The following NYAP2 variants were observed in gnomAD, a reference collection of about 807,000 sequenced individuals.
NYAP2 encodes the protein neuronal tyrosine-phosphorylated phosphoinositide-3-kinase adapter 2.
A neutral mutation model predicts 50.4 loss-of-function variants in NYAP2; 23 were observed. The observed-to-expected ratio is 0.46, with a 90% CI of 0.33 to 0.65. NYAP2 has a LOEUF of 0.65. NYAP2 is among the 30% of genes least tolerant of loss of function. The pLI is 0.02. For synonymous variants in NYAP2, 394 were observed against 365.2 expected, an observed-to-expected ratio of 1.08 and a Z score of -0.90; for missense variants, 885 against 861.0, an observed-to-expected ratio of 1.03 and a Z score of -0.35.
the NYAP2 span, among the ~76,000 whole-genome samples, chr2:225,697,353 G>T: frequency 3.3e-5 from 5 of 151,942 alleles, no homozygotes; most frequent in African/African-American, 1.2e-4. Context: ...ATCCTTGTCA[G>T]TCTGACTACA....
chr2:225,583,960 C>T lies in NYAP2; in HGVS notation c.1618+925C>T, dbSNP rs183484096. On this transcript the variant is annotated intron_variant, in intron 5 of 6. Coordinates refer to ENST00000636099, the Ensembl canonical transcript of NYAP2. ...GGGAGGCTGAGGCAGGAGAATGGCG[C>T]GAACCCGGGAGGCAGAGCTTGTAGT... Among the ~76,000 whole-genome samples, 76 of 152,036 alleles carry T rather than the reference C, an allele frequency of 5.0e-4. No individual in the cohort carries two copies. In the East Asian group the frequency reaches 8.9e-3, roughly 18 times the overall value.
At chr2:225,581,798 G>A in intron 4 of NYAP2, 143 bp from the exon 5 acceptor site, 2 of 772,264 alleles carry the variant, frequency 2.6e-6, no homozygotes, top group Non-Finnish European at 4.2e-6. Context: ...CTCTTTGGTT[G>A]ATTTTTACTC....
At position 225,581,932 on chromosome 2, in the gene NYAP2, T is replaced by G; in HGVS notation, c.524-9T>G. 1 of 1,584,564 alleles carries G rather than the reference T, an allele frequency of 6.3e-7. No homozygotes were observed. The highest frequency in any genetic ancestry group is 1.4e-5 in the African/African-American group (1 of 73,652). On this transcript the variant is annotated splice_polypyrimidine_tract_variant and intron_variant, in intron 4 of 6. Coordinates refer to ENST00000636099, the Ensembl canonical transcript of NYAP2. ...CTCATCTATTCCACTACGTTTTTTC[T>G]TCTTTTAGCGTCAGCTAAACCAAGA...
At chr2:225,633,272 T>C (rs2106261432) in intron 6 of NYAP2, among the ~76,000 whole-genome samples, 1 of 152,338 alleles carries the variant, frequency 6.6e-6, no homozygotes, top group African/African-American at 2.4e-5. Context: ...ACAGGGTTTA[T>C]AGTGTAACAT....
intron 4 of NYAP2, among the ~76,000 whole-genome samples, chr2:225,546,622 C>A (rs942987671): frequency 1.3e-5 from 2 of 152,056 alleles, no homozygotes; most frequent in African/African-American, 2.4e-5. Flanking sequence ...TCCAGAAATG[C>A]CATCCAAGAA....
intron 3 of NYAP2, among the ~76,000 whole-genome samples, chr2:225,412,785 G>A (rs1324724036): frequency 6.6e-6 from 1 of 152,092 alleles, no homozygotes; most frequent in Non-Finnish European, 1.5e-5. Context: ...GAAAATAGCG[G>A]GCTAGGAAAG....
chr2:225,701,848 G>T, the NYAP2 span: 2 of 151,636 alleles, frequency 1.3e-5, no homozygotes, highest in Non-Finnish European at 3.0e-5. Context: ...GAGAATAAAA[G>T]AATGTTTTTA....
intron 2 of NYAP2, among the ~76,000 whole-genome samples, chr2:225,404,721 A>G (rs1162620287): frequency 6.6e-6 from 1 of 151,984 alleles, no homozygotes; most frequent in Non-Finnish European, 1.5e-5. Context: ...ATAAAGCTGA[A>G]CAATTAACCA....
chr2:225,671,544 T>C, the NYAP2 span, among the ~76,000 whole-genome samples: 1 of 152,162 alleles, frequency 6.6e-6, no homozygotes, highest in Non-Finnish European at 1.5e-5. Flanking sequence ...TGCCTCAAAG[T>C]CATCCAAAAG....
intron 2 of NYAP2, among the ~76,000 whole-genome samples, chr2:225,408,481 T>G (rs1272694250): frequency 6.6e-6 from 1 of 152,086 alleles, no homozygotes; most frequent in Non-Finnish European, 1.5e-5. Flanking sequence ...GAAAAGTCTT[T>G]ATGGCAATCA....
At chr2:225,552,559 T>TTC (rs145391159) in intron 4 of NYAP2, among the ~76,000 whole-genome samples, 6 of 149,976 alleles carry the variant, frequency 4.0e-5, no homozygotes, top group South Asian at 2.1e-4. Flanking sequence ...TTCTCTCTCT[T>TTC]TCTCTCTCTC....
intron 2 of NYAP2, among the ~76,000 whole-genome samples, chr2:225,407,155 T>C (rs1694955203): frequency 6.6e-6 from 1 of 152,018 alleles, no homozygotes; most frequent in Non-Finnish European, 1.5e-5. Context: ...TAGAAGTGAA[T>C]TCCTGACAAT....
At chr2:225,413,259 T>C (rs1412160358) in intron 3 of NYAP2, among the ~76,000 whole-genome samples, 1 of 151,966 alleles carries the variant, frequency 6.6e-6, no homozygotes, top group East Asian at 1.9e-4. Flanking sequence ...AGTATCTGGA[T>C]AGGTAAGGGA....
At chr2:225,618,364 A>G (rs1161749935) in intron 5 of NYAP2, among the ~76,000 whole-genome samples, 1 of 152,214 alleles carries the variant, frequency 6.6e-6, no homozygotes, top group African/African-American at 2.4e-5. Flanking sequence ...GTGCAGGCCA[A>G]CAGATCAGGG....
At chr2:225,612,747 C>G (rs968585620) in intron 5 of NYAP2, among the ~76,000 whole-genome samples, 1 of 54,014 alleles carries the variant, frequency 1.9e-5, no homozygotes. Context: ...GGAGGCCCCC[C>G]CCTTACAATC....
At chr2:225,683,365 T>G in the NYAP2 span, among the ~76,000 whole-genome samples, 2 of 152,142 alleles carry the variant, frequency 1.3e-5, no homozygotes, top group Non-Finnish European at 2.9e-5. Context: ...AGGCTTACAG[T>G]GTGTGTTTGT....
At chr2:225,538,773 TTTTCTTTTCTTTCTTTCTTTC>T (rs1160210230) in intron 4 of NYAP2, among the ~76,000 whole-genome samples, 44 of 95,850 alleles carry the variant, frequency 4.6e-4, no homozygotes, top group Non-Finnish European at 6.6e-4. Context: ...TTTTCTTTTC[TTTTCTTTTCTTTCTTTCTTTC>T]TTTCTTTCTT....
At chr2:225,598,821 G>A (rs1692650063) in intron 5 of NYAP2, among the ~76,000 whole-genome samples, 2 of 152,148 alleles carry the variant, frequency 1.3e-5, no homozygotes, top group Admixed American at 6.6e-5. Context: ...TGCTAATTAA[G>A]CAGAGGTTTG....
At chr2:225,507,019 C>A (rs911699630) in intron 3 of NYAP2, among the ~76,000 whole-genome samples, 3 of 152,112 alleles carry the variant, frequency 2.0e-5, no homozygotes, top group Non-Finnish European at 4.4e-5. Flanking sequence ...AGCTCAACTC[C>A]AAAATATCAC....
Sources: allele counts gnomAD v4.1 joint callset (sites outside exome capture counted in the v4.1 genomes callset), GRCh38; gene constraint gnomAD v4.1.1; transcripts MANE v1.5; gene names NCBI Gene and HGNC (gene_info 2026-07-23, HGNC 2026-07-21).